The following CAST variants were observed in gnomAD, a reference collection of about 807,000 sequenced individuals.
The protein encoded by CAST is calpastatin.
A neutral mutation model predicts 119.6 loss-of-function variants in CAST; 76 were observed. The ratio of observed to expected loss-of-function variants is 0.64; its 90% CI spans 0.53 to 0.77. The LOEUF (loss-of-function observed/expected upper bound fraction) is 0.77, where lower values mean the gene tolerates loss of function less well. CAST is among the 30% of genes least tolerant of loss of function. The pLI is 0.00. For missense variants in CAST, 953 were observed against 946.5 expected, an observed-to-expected ratio of 1.01 and a Z score of -0.09; for synonymous variants, 319 against 331.6, an observed-to-expected ratio of 0.96 and a Z score of 0.41.
At chr5:96,127,483 A>G in the CAST span, among the ~76,000 whole-genome samples, 1 of 152,040 alleles carries the variant, frequency 6.6e-6, no homozygotes, top group Non-Finnish European at 1.5e-5. Context: ...ACCCAGCCAC[A>G]CCTCCTAGTT....
At chr5:96,765,051 C>T (rs1769365239) in intron 25 of CAST, among the ~76,000 whole-genome samples, 170 bp from the exon 26 acceptor site, 1 of 152,026 alleles carries the variant, frequency 6.6e-6, no homozygotes, top group Non-Finnish European at 1.5e-5. Flanking sequence ...CCTGATCTTC[C>T]ATTCCTAGGC....
chr5:96,033,243 C>A, the CAST span, among the ~76,000 whole-genome samples: 1 of 152,138 alleles, frequency 6.6e-6, no homozygotes, highest in African/African-American at 2.4e-5. Context: ...AATGTCCATA[C>A]TACCCAAAGA....
the CAST span, among the ~76,000 whole-genome samples, chr5:96,001,367 A>G: frequency 4.6e-5 from 7 of 152,346 alleles, no homozygotes; most frequent in Admixed American, 6.5e-5. Context: ...CTGGGGAAGA[A>G]GAATCAAGAA....
At chr5:96,384,916 C>T in the CAST span, among the ~76,000 whole-genome samples, 2 of 152,166 alleles carry the variant, frequency 1.3e-5, no homozygotes, top group African/African-American at 4.8e-5. Context: ...GTTTTGTCCA[C>T]AACTGTGCAA....
chr5:96,686,872 T>C (rs1752141594), intron 2 of CAST, among the ~76,000 whole-genome samples: 3 of 152,056 alleles, frequency 2.0e-5, no homozygotes, highest in Admixed American at 2.0e-4. Context: ...GCAAGGGAAT[T>C]TTGCAGTAAG....
the CAST span, among the ~76,000 whole-genome samples, chr5:96,487,263 T>C: frequency 6.6e-6 from 1 of 152,180 alleles, no homozygotes; most frequent in Non-Finnish European, 1.5e-5. Context: ...TTCTGCAACA[T>C]AGTAAAATAA....
chr5:96,577,573 T>C (rs755794828), intron 1 of CAST, among the ~76,000 whole-genome samples: 5 of 152,140 alleles, frequency 3.3e-5, no homozygotes, highest in Admixed American at 2.0e-4. Flanking sequence ...TAATCTCATA[T>C]GTTGTATTTT....
intron 3 of CAST, among the ~76,000 whole-genome samples, chr5:96,699,989 A>G (rs960555682): frequency 1.3e-5 from 2 of 152,216 alleles, no homozygotes; most frequent in Non-Finnish European, 2.9e-5. Context: ...TCAGAGAAAT[A>G]CTTTCGTGAT....
chr5:96,116,566 G>A, the CAST span, among the ~76,000 whole-genome samples: 1 of 152,228 alleles, frequency 6.6e-6, no homozygotes, highest in Admixed American at 6.5e-5. Context: ...CTTATCCTTG[G>A]CAACATATGA....
chr5:96,685,382 T>G (rs1175125623), intron 2 of CAST, among the ~76,000 whole-genome samples: 1 of 152,172 alleles, frequency 6.6e-6, no homozygotes, highest in East Asian at 1.9e-4. Context: ...ATGGGATGAC[T>G]GGTTCAAAAG....
chr5:96,378,069 A>C, the CAST span, among the ~76,000 whole-genome samples: 1 of 152,170 alleles, frequency 6.6e-6, no homozygotes, highest in African/African-American at 2.4e-5. Context: ...CACAAACACA[A>C]ATACTGCATG....
chr5:96,476,863 G>A, the CAST span, among the ~76,000 whole-genome samples: 40 of 149,932 alleles, frequency 2.7e-4, 1 homozygote, highest in South Asian at 7.8e-3. Context: ...ATCTCTACAC[G>A]AGTTGACGGT....
chr5:95,996,228 T>A, the CAST span, among the ~76,000 whole-genome samples: 17 of 152,264 alleles, frequency 1.1e-4, no homozygotes, highest in Middle Eastern at 0.01. Flanking sequence ...CCAGAGTGGA[T>A]TGCAGACTTT....
intron 1 of CAST, among the ~76,000 whole-genome samples, chr5:96,620,447 A>G (rs1747581561): frequency 6.6e-6 from 1 of 152,308 alleles, no homozygotes; most frequent in South Asian, 2.1e-4. Flanking sequence ...GGTGCTGGGC[A>G]GCAGCAGTGA....
the CAST span, among the ~76,000 whole-genome samples, chr5:96,077,384 T>A: frequency 6.6e-6 from 1 of 152,226 alleles, no homozygotes; most frequent in South Asian, 2.1e-4. Flanking sequence ...TTTGGTATTA[T>A]CATTTATTTG....
At chr5:96,000,150 T>G in the CAST span, among the ~76,000 whole-genome samples, 1 of 152,190 alleles carries the variant, frequency 6.6e-6, no homozygotes, top group African/African-American at 2.4e-5. Context: ...ATAGTCTAGA[T>G]ATGTCCTTCA....
chr5:96,298,165 A>C, the CAST span, among the ~76,000 whole-genome samples: 1 of 152,348 alleles, frequency 6.6e-6, no homozygotes, highest in South Asian at 2.1e-4. Context: ...GTTGGAAAAG[A>C]AGCTTCTCTG....
At chr5:96,172,630 AT>A in the CAST span, among the ~76,000 whole-genome samples, 1 of 152,258 alleles carries the variant, frequency 6.6e-6, no homozygotes, top group Non-Finnish European at 1.5e-5. Flanking sequence ...TGTCTTAAAT[AT>A]TTCAGAATAA....
At chr5:96,205,134 A>G in the CAST span, among the ~76,000 whole-genome samples, 1 of 152,020 alleles carries the variant, frequency 6.6e-6, no homozygotes, top group Non-Finnish European at 1.5e-5. Flanking sequence ...AGTTCTTTAT[A>G]CATTCTGGAT....
Sources: allele counts gnomAD v4.1 joint callset (sites outside exome capture counted in the v4.1 genomes callset), GRCh38; gene constraint gnomAD v4.1.1; transcripts MANE v1.5; gene names NCBI Gene and HGNC (gene_info 2026-07-23, HGNC 2026-07-21).